ABAT: variants seen among roughly 807,000 people sequenced by gnomAD.
ABAT encodes 4-aminobutyrate aminotransferase, mitochondrial.
ABAT carries 45 observed loss-of-function variants against 64.6 expected under a neutral mutation model. The observed-to-expected ratio is 0.70, with a 90% CI of 0.55 to 0.89. The LOEUF (loss-of-function observed/expected upper bound fraction) is 0.89. ABAT is among the 40% of genes least tolerant of loss of function. ABAT has a pLI of 0.00. For missense variants in ABAT, 633 were observed against 658.4 expected (o/e 0.96, Z 0.42); for synonymous variants, 297 against 250.5 (o/e 1.19, Z -1.75).
intron 1 of ABAT, chr16:8,722,700 T>C (rs2058406888): frequency 2.9e-6 from 2 of 686,390 alleles, no homozygotes; most frequent in African/African-American, 3.8e-5. Context: ...CACAATTTCA[T>C]GGCGTGCCAG....
intron 1 of ABAT, among the ~76,000 whole-genome samples, chr16:8,697,623 G>C (rs2057732085): frequency 6.9e-6 from 1 of 144,834 alleles, no homozygotes; most frequent in South Asian, 2.3e-4. Flanking sequence ...GTTTTTTGTT[G>C]TTTGTTTTTT....
intron 1 of ABAT, among the ~76,000 whole-genome samples, chr16:8,695,488 C>A (rs2057682037): frequency 6.6e-6 from 1 of 152,238 alleles, no homozygotes; most frequent in Admixed American, 6.5e-5. Context: ...CAAATCCCAA[C>A]TGCCGCTTAC....
chr16:8,692,425 A>T (rs2057604881), intron 1 of ABAT, among the ~76,000 whole-genome samples: 1 of 152,224 alleles, frequency 6.6e-6, no homozygotes. Context: ...AATAGAGTCC[A>T]TAAAATGCTT....
intron 1 of ABAT, among the ~76,000 whole-genome samples, chr16:8,681,846 T>G (rs2057341077): frequency 1.3e-5 from 2 of 151,424 alleles, no homozygotes; most frequent in African/African-American, 4.8e-5. Flanking sequence ...TTCACCATGT[T>G]GGCCAGGCTG....
intron 2 of ABAT, among the ~76,000 whole-genome samples, chr16:8,744,657 G>A (rs144522980): frequency 1.3e-5 from 2 of 152,068 alleles, no homozygotes; most frequent in Non-Finnish European, 2.9e-5. Context: ...TATGAGCCAC[G>A]GTGCCCAGCC....
intron 1 of ABAT, among the ~76,000 whole-genome samples, chr16:8,703,679 A>T (rs1437264176): frequency 6.6e-6 from 1 of 152,168 alleles, no homozygotes; most frequent in Non-Finnish European, 1.5e-5. Flanking sequence ...CTAAAAACTG[A>T]ACTCTGCTTG....
chr16:8,736,043 C>A, intron 2 of ABAT: 2 of 521,850 alleles, frequency 3.8e-6, no homozygotes, highest in South Asian at 4.2e-5. Context: ...GCTGGGGAGG[C>A]CTCACAATCA....
At chr16:8,745,410 C>T (rs2059300401) in intron 2 of ABAT, among the ~76,000 whole-genome samples, 1 of 152,126 alleles carries the variant, frequency 6.6e-6, no homozygotes, top group South Asian at 2.1e-4. Context: ...AGAAAGCTGG[C>T]ATCAGATCAG....
chr16:8,684,849 A>T (rs1222669855), intron 1 of ABAT, among the ~76,000 whole-genome samples: 1 of 152,182 alleles, frequency 6.6e-6, no homozygotes, highest in Non-Finnish European at 1.5e-5. Flanking sequence ...TCAAAGGAAA[A>T]GTCAAATAAA....
chr16:8,783,149 C>T lies in ABAT; in HGVS notation c.*1719C>T, dbSNP rs548570851. The stretch of plus-strand genomic sequence containing the variant: ...CAGCCAAGTGGTGATGTATGCCTCC[C>T]ACTCTCTGCAAGGTTTTCCTCATTT... On this transcript the variant is annotated 3_prime_UTR_variant, in exon 16 of 16. Transcript: ENST00000268251. 1 of 152,162 alleles carries T rather than the reference C, an allele frequency of 6.6e-6. No individual in the cohort carries two copies. The highest frequency in any genetic ancestry group is 1.5e-5 in the Non-Finnish European group (1 of 68,038). 9.4% of individuals were successfully genotyped at this position (152,162 alleles called of 1,614,324 possible).
rs530529333 is a variant in ABAT, at chr16:8,762,073, A to T, written c.367-1996A>T. ...GAGTGGAGTGGCTGGATCATAGTTC[A>T]TTGCAGCCTCGAACTCCTGGACTCA... On this transcript the variant is annotated intron_variant, in intron 6 of 15. Coordinates refer to ENST00000268251, the MANE Select transcript of ABAT (RefSeq NM_020686.6). Among the ~76,000 whole-genome samples the T allele has an allele frequency of 9.3e-5, 14 of 150,466 alleles. No homozygotes were observed. The East Asian group carries it at 2.7e-3, about 30-fold the overall frequency.
chr16:8,738,335 G>A (rs28785577), intron 2 of ABAT: 4,946 of 445,242 alleles, frequency 0.011, 221 homozygotes, highest in African/African-American at 0.088. Context: ...AGATAAATAA[G>A]TTTTTAAAGA....
At chr16:8,711,200 A>T (rs540011242) in intron 1 of ABAT, among the ~76,000 whole-genome samples, 1 of 152,222 alleles carries the variant, frequency 6.6e-6, no homozygotes, top group Non-Finnish European at 1.5e-5. Flanking sequence ...CCAGCAATGA[A>T]TGAAGTGCCA....
chr16:8,779,060 G>T (rs1852951562), intron 14 of ABAT, among the ~76,000 whole-genome samples: 1 of 152,184 alleles, frequency 6.6e-6, no homozygotes, highest in African/African-American at 2.4e-5. Context: ...AACATCTGTG[G>T]AGCATCCACC....
intron 5 of ABAT, among the ~76,000 whole-genome samples, chr16:8,756,379 A>G (rs1328291598): frequency 6.6e-6 from 1 of 152,204 alleles, no homozygotes; most frequent in East Asian, 1.9e-4. Flanking sequence ...TTAACGTCAA[A>G]CATTTTTATT....
intron 11 of ABAT, among the ~76,000 whole-genome samples, chr16:8,770,203 T>C (rs1410923594): frequency 6.6e-6 from 1 of 152,218 alleles, no homozygotes; most frequent in Non-Finnish European, 1.5e-5. Context: ...AGTGGCGCGA[T>C]CTCAGCTCAC....
At chr16:8,734,692 C>T (rs549610701) in intron 1 of ABAT, among the ~76,000 whole-genome samples, 10 of 152,248 alleles carry the variant, frequency 6.6e-5, no homozygotes, top group Non-Finnish European at 1.2e-4. Flanking sequence ...ATGGTGCTGT[C>T]GCTGTTCTGA....
chr16:8,677,243 C>T (rs2057225621), intron 1 of ABAT, among the ~76,000 whole-genome samples: 1 of 152,202 alleles, frequency 6.6e-6, no homozygotes, highest in Non-Finnish European at 1.5e-5. Flanking sequence ...AGTCATAAAA[C>T]CTCTAATCAT....
chr16:8,720,298 T>G (rs149409869), intron 1 of ABAT, among the ~76,000 whole-genome samples: 2 of 152,340 alleles, frequency 1.3e-5, no homozygotes, highest in Non-Finnish European at 2.9e-5. Context: ...TTCAGCAACT[T>G]GCCTAGGTAA....
Sources: gnomAD v4.1 joint callset for allele counts (sites outside exome capture counted in the v4.1 genomes callset) on GRCh38, gnomAD v4.1.1 for gene constraint, MANE v1.5 for transcripts, NCBI Gene and HGNC (gene_info 2026-07-23, HGNC 2026-07-21) for gene names.